Variants in CSNK1E observed in about 807,000 individuals in gnomAD.
CSNK1E encodes casein kinase 1 epsilon, also known as casein kinase I isoform epsilon.
CSNK1E carries 17 observed loss-of-function variants against 46.1 expected under a neutral mutation model. The ratio of observed to expected loss-of-function variants is 0.37; its 90% CI spans 0.25 to 0.55. CSNK1E has a LOEUF of 0.55. Ranked by LOEUF, CSNK1E falls within the 20% of genes least tolerant of loss-of-function variation. CSNK1E has a pLI of 0.82. For missense variants in CSNK1E, 386 were observed against 595.4 expected (o/e 0.65, Z 3.66); for synonymous variants, 241 against 242.6 (o/e 0.99, Z 0.06).
rs553071674 is a variant in CSNK1E at position 38,300,567 on chromosome 22, C to T, written c.565+157G>A. On this transcript the variant is annotated intron_variant, in intron 5 of 10. Transcript: ENST00000396832. The surrounding 1 kb of genome is among the most constrained non-coding windows in gnomAD (Gnocchi z 4.4). ...GGGAAGACCCGACTGTGCAAGGACACGGAATAAGCACGAGCTTGGGGGCAG... is the reference window on the plus strand; with the variant it reads ...GGGAAGACCCGACTGTGCAAGGACATGGAATAAGCACGAGCTTGGGGGCAG... 6.8e-4 allele frequency among the ~76,000 whole-genome samples: 104 copies of T among 152,292 alleles called. No homozygotes were observed. Among genetic ancestry groups the T allele is most frequent in the African/African-American group, 2.1e-3 (89 of 41,566 alleles).
intron 9 of CSNK1E, 51 bp from the exon 10 acceptor site, chr22:38,293,370 A>G: frequency 8.3e-7 from 1 of 1,204,156 alleles, no homozygotes. Flanking sequence ...GGGAGGTACA[A>G]GCTTCAAGTC....
chr22:38,295,327 G>A, intron 7 of CSNK1E: 1 of 679,620 alleles, frequency 1.5e-6, no homozygotes, highest in Non-Finnish European at 1.8e-6. Flanking sequence ...CCCTGGTGCA[G>A]GAGGAAGTGA....
chr22:38,315,032 T>C (rs2092737917), intron 1 of CSNK1E, among the ~76,000 whole-genome samples: 1 of 151,982 alleles, frequency 6.6e-6, no homozygotes, highest in African/African-American at 2.4e-5. Flanking sequence ...GGGAGGGGTG[T>C]TTACAAGAGG....
At chr22:38,296,762 C>A in intron 7 of CSNK1E, 1 of 1,529,764 alleles carries the variant, frequency 6.5e-7, no homozygotes, top group Non-Finnish European at 8.8e-7. Flanking sequence ...GCAGTGATGT[C>A]CACAGAACGT....
Position 38,314,063 on chromosome 22 carries a change from T to A in CSNK1E, c.76+19A>T. 1 of 1,610,348 alleles carries A rather than the reference T, an allele frequency of 6.2e-7. No homozygotes were observed. Among genetic ancestry groups the A allele is most frequent in the Non-Finnish European group, 8.5e-7 (1 of 1,176,764 alleles). Reference sequence around the variant, plus strand: ...ATGGGCTGGCCCCAGGGGCTCCAGCTGGAGCTAGGAACACTTACCCAGGTA... The same window carrying A: ...ATGGGCTGGCCCCAGGGGCTCCAGCAGGAGCTAGGAACACTTACCCAGGTA... On this transcript the variant is annotated intron_variant, in intron 2 of 10. Coordinates refer to ENST00000396832, the MANE Select transcript of CSNK1E (RefSeq NM_152221.3).
At chr22:38,317,745 C>T (rs970598558), upstream of CSNK1E, among the ~76,000 whole-genome samples, 6 of 152,086 alleles carry the variant, frequency 3.9e-5, no homozygotes, top group Non-Finnish European at 7.4e-5. Flanking sequence ...AGGGTCTAGA[C>T]CCAAAGTCTC....
Position 38,294,007 on chromosome 22 carries a change from G to A in CSNK1E, c.1218+102C>T. ...GAAGGGGTTCACTCCAAGGCAAGCAGCGTCGATGGAAAGGGAAGAACAGAG... is the reference window on the plus strand; with the variant it reads ...GAAGGGGTTCACTCCAAGGCAAGCAACGTCGATGGAAAGGGAAGAACAGAG... On this transcript the variant is annotated intron_variant, in intron 9 of 10. Coordinates refer to ENST00000396832, the MANE Select transcript of CSNK1E (RefSeq NM_152221.3). The surrounding 1 kb of genome is among the most constrained non-coding windows in gnomAD (Gnocchi z 5.5). The A allele has an allele frequency of 2.2e-6, 3 of 1,369,890 alleles. No individual in the cohort carries two copies. Among genetic ancestry groups the A allele is most frequent in the South Asian group, 2.7e-5 (2 of 74,900 alleles). 84.9% of individuals were successfully genotyped at this position (1,369,890 alleles called of 1,614,324 possible).
rs750236782 is a variant in CSNK1E at position 38,300,946 on chromosome 22, G to A, written c.343C>T (p.Arg115Cys). ...VLLLADQMISRIEYIHSKNFI... is the reference protein window; with the variant it reads ...VLLLADQMISCIEYIHSKNFI... ...TTCTTGGAGTGGATATACTCGATGCGGCTGATCTGGGGAGGAGGGGGGCCA... is the reference window on the plus strand; with the variant it reads ...TTCTTGGAGTGGATATACTCGATGCAGCTGATCTGGGGAGGAGGGGGGCCA... Residue 115 changes from arginine to cysteine, a missense_variant, in exon 5 of 11, where the codon CGC (arginine) becomes TGC (cysteine). By Grantham distance (180) the Arg-to-Cys change is radical (BLOSUM62 -3). Coordinates refer to ENST00000396832, the MANE Select transcript of CSNK1E (RefSeq NM_152221.3). The surrounding 1 kb of genome is among the most constrained non-coding windows in gnomAD (Gnocchi z 4.4). The A allele has an allele frequency of 3.7e-6, 6 of 1,614,040 alleles. No individual in the cohort carries two copies. The highest frequency in any genetic ancestry group is 1.6e-4 in the Middle Eastern group (1 of 6,062).
intron 2 of CSNK1E, among the ~76,000 whole-genome samples, chr22:38,313,084 T>C (rs574395987): frequency 3.3e-5 from 5 of 152,292 alleles, no homozygotes; most frequent in South Asian, 2.1e-4. Context: ...CCCGTCTCCA[T>C]TGAGGCTTCC....
chr22:38,301,473 C>T (rs1365449868), intron 4 of CSNK1E, among the ~76,000 whole-genome samples: 1 of 151,600 alleles, frequency 6.6e-6, no homozygotes, highest in Non-Finnish European at 1.5e-5. Context: ...CGGTCTGTTG[C>T]CCAGGCTGGA....
chr22:38,314,021 T>C (rs1410318308), intron 2 of CSNK1E, 61 bp downstream of exon 2: 2 of 1,461,630 alleles, frequency 1.4e-6, no homozygotes, highest in Non-Finnish European at 1.9e-6. Context: ...CCTGGGGTCT[T>C]TCCTCCTCTT....
intron 6 of CSNK1E, among the ~76,000 whole-genome samples, chr22:38,299,555 G>A (rs889544837): frequency 2.0e-5 from 3 of 152,168 alleles, no homozygotes; most frequent in Admixed American, 6.5e-5. Context: ...ATGATGTCTC[G>A]CTCTGTCACC....
intron 9 of CSNK1E, chr22:38,293,780 G>A: frequency 2.4e-6 from 1 of 415,272 alleles, no homozygotes; most frequent in South Asian, 4.4e-5. Context: ...GGCTCCTGGG[G>A]GCTCCCTGAT....
exon 1 of CSNK1E, chr22:38,317,419 GGCTCGCGCGCTCTCGCACCGCGCGCGC>G (rs2092754408): frequency 1.2e-4 from 6 of 48,576 alleles, no homozygotes; most frequent in Admixed American, 2.8e-4. Context: ...CCCCGCCGCC[GGCTCGCGCGCTCTCGCACCGCGCGCGC>G]CCGCCGGCTC....
At chr22:38,296,175 A>G in intron 7 of CSNK1E, 1 of 1,009,770 alleles carries the variant, frequency 9.9e-7, no homozygotes, top group Non-Finnish European at 1.2e-6. Flanking sequence ...GGTCCCATCC[A>G]ACCCATAGGA....
intron 2 of CSNK1E, among the ~76,000 whole-genome samples, chr22:38,312,874 T>C (rs1221489878): frequency 6.6e-6 from 1 of 152,242 alleles, no homozygotes; most frequent in Non-Finnish European, 1.5e-5. Context: ...CGGCATGTTC[T>C]GTCTTCCACG....
chr22:38,298,127 G>A lies in CSNK1E; in HGVS notation c.885+659C>T. On this transcript the variant is annotated intron_variant, in intron 7 of 10. Coordinates refer to ENST00000396832, the MANE Select transcript of CSNK1E (RefSeq NM_152221.3). This position sits in a 1 kb window ranked among gnomAD's most constrained non-coding sequence, Gnocchi z 4.2. ...GGGTGAGTACGTGGGCCCAGCACAG[G>A]GACAGGGGCGGGGACAGAAAGGTCC... The A allele has an allele frequency of 7.8e-7, 1 of 1,289,414 alleles. No individual in the cohort carries two copies. The highest frequency in any genetic ancestry group is 1.3e-5 in the South Asian group (1 of 78,632). The allele number at this position is 1,289,414 out of a possible 1,614,324, so 79.9% of individuals were successfully genotyped here.
At chr22:38,296,738 G>A (rs1451502735) in intron 7 of CSNK1E, 2 of 1,588,938 alleles carry the variant, frequency 1.3e-6, no homozygotes, top group Non-Finnish European at 1.7e-6. Flanking sequence ...GACTCCATAA[G>A]GGAGGAACCT....
intron 4 of CSNK1E, 130 bp downstream of exon 4, chr22:38,302,731 C>T (rs1241186359): frequency 2.4e-5 from 26 of 1,078,308 alleles, no homozygotes; most frequent in Non-Finnish European, 3.1e-5. Flanking sequence ...TAAACACCTA[C>T]AATTCTATAG....
Sources: allele counts gnomAD v4.1 joint callset (sites outside exome capture counted in the v4.1 genomes callset), GRCh38; gene constraint gnomAD v4.1.1; non-coding constraint Gnocchi (gnomAD v3.1); transcripts MANE v1.5; gene names NCBI Gene and HGNC (gene_info 2026-07-23, HGNC 2026-07-21).